NLK: variants seen among roughly 807,000 people sequenced by gnomAD.
NLK encodes the protein serine/threonine-protein kinase NLK.
NLK carries 11 observed loss-of-function variants against 59.0 expected under a neutral mutation model. That is an observed-to-expected ratio of 0.19 (90% CI 0.12 to 0.31). The LOEUF (loss-of-function observed/expected upper bound fraction) is 0.31, where lower values mean the gene tolerates loss of function less well. Ranked by LOEUF, NLK falls within the 10% of genes least tolerant of loss-of-function variation. NLK has a pLI of 1.00. For missense variants in NLK, 410 were observed against 661.1 expected, an observed-to-expected ratio of 0.62 and a Z score of 4.16; for synonymous variants, 235 against 235.9, an observed-to-expected ratio of 1.00 and a Z score of 0.03.
At chr17:28,156,370 A>C (rs1907722562) in intron 3 of NLK, among the ~76,000 whole-genome samples, 1 of 152,212 alleles carries the variant, frequency 6.6e-6, no homozygotes, top group Non-Finnish European at 1.5e-5. Flanking sequence ...AAGTACCTTG[A>C]AAACAACAAT....
At position 28,120,256 on chromosome 17, in the gene NLK, G is replaced by GTGTA. The variant is rs1555561484; in HGVS notation, c.459-2344_459-2343insATGT. 7.7e-4 allele frequency among the ~76,000 whole-genome samples: 116 copies of GTGTA among 150,824 alleles called. 1 individual carries two copies. Among genetic ancestry groups the GTGTA allele is most frequent in the East Asian group, 1.6e-3 (8 of 5,086 alleles). ...TTGGGGTGTGTGTGTGTGTGTGTGT[G>GTGTA]TGTGTGTGTGTGTGTGTATGTGTGT... is the stretch of plus-strand genomic sequence containing the variant. On this transcript the variant is annotated intron_variant, in intron 1 of 10. Transcript: ENST00000407008.
chr17:28,187,190 T>C (rs1909150343), intron 8 of NLK, among the ~76,000 whole-genome samples: 1 of 152,208 alleles, frequency 6.6e-6, no homozygotes, highest in African/African-American at 2.4e-5. Context: ...CTATTTCTAT[T>C]TAGATTTGGA....
intron 1 of NLK, among the ~76,000 whole-genome samples, chr17:28,120,411 G>A (rs183878344): frequency 2.4e-3 from 358 of 152,006 alleles, no homozygotes; most frequent in African/African-American, 8.1e-3. Context: ...GCCCTGCCTG[G>A]GTTCATATTT....
intron 1 of NLK, among the ~76,000 whole-genome samples, chr17:28,057,393 A>T (rs1320901086): frequency 6.6e-6 from 1 of 152,220 alleles, no homozygotes; most frequent in African/African-American, 2.4e-5. Flanking sequence ...TAAGCTCTCC[A>T]ACTAGAGAAG....
At chr17:28,108,541 A>G (rs1905302510) in intron 1 of NLK, among the ~76,000 whole-genome samples, 1 of 152,220 alleles carries the variant, frequency 6.6e-6, no homozygotes, top group Non-Finnish European at 1.5e-5. Context: ...TTAAGTTAAC[A>G]AAAGTAAAGC....
chr17:28,123,662 C>T lies in NLK; in HGVS notation c.588+930C>T, dbSNP rs186873445. On this transcript the variant is annotated intron_variant, in intron 2 of 10. Coordinates refer to ENST00000407008, the MANE Select transcript of NLK (RefSeq NM_016231.5). ...GTTAGAGATGTGGGAAACAGTTTCT[C>T]CTATAAAAACAGTACATCCCTTAAG... 5.4e-4 allele frequency among the ~76,000 whole-genome samples: 82 copies of T among 152,148 alleles called. 1 individual carries two copies. In the South Asian group the frequency reaches 0.015, roughly 27 times the overall value.
At chr17:28,186,507 C>A (rs1008002997) in intron 8 of NLK, among the ~76,000 whole-genome samples, 2 of 151,810 alleles carry the variant, frequency 1.3e-5, no homozygotes, top group African/African-American at 4.8e-5. Flanking sequence ...AAAGACATAC[C>A]CAAGACTGGG....
intron 1 of NLK, among the ~76,000 whole-genome samples, chr17:28,115,668 TC>T (rs952630387): frequency 6.6e-6 from 1 of 151,892 alleles, no homozygotes; most frequent in Admixed American, 6.6e-5. Flanking sequence ...ACTTCATCTA[TC>T]CCCCCCATCA....
chr17:28,163,726 T>A, intron 5 of NLK, 98 bp downstream of exon 5: 2 of 724,654 alleles, frequency 2.8e-6, no homozygotes, highest in Non-Finnish European at 4.6e-6. Context: ...TTCATTTCCA[T>A]TACTTTACCA....
At chr17:28,136,200 T>G (rs537196090) in intron 3 of NLK, among the ~76,000 whole-genome samples, 1 of 152,306 alleles carries the variant, frequency 6.6e-6, no homozygotes, top group East Asian at 1.9e-4. Context: ...ATTTTTTAGC[T>G]TCAGGTTAAA....
At chr17:28,193,725 G>C (rs1219781815) in intron 10 of NLK, among the ~76,000 whole-genome samples, 2 of 152,160 alleles carry the variant, frequency 1.3e-5, no homozygotes, top group Non-Finnish European at 2.9e-5. Context: ...GGTTGGATTT[G>C]TTGGACCACA....
In NLK at chr17:28,042,805, C is replaced by G; in HGVS notation, c.-69C>G. 5.8e-6 allele frequency: 8 copies of G among 1,377,962 alleles called. No homozygotes were observed. The highest frequency in any genetic ancestry group is 2.8e-5 in the Admixed American group (1 of 35,594). 85.4% of individuals were successfully genotyped at this position (1,377,962 alleles called of 1,614,324 possible). A position where few individuals can be genotyped will look rare whatever the true frequency, so the allele number is the denominator to read the frequency against. The stretch of plus-strand genomic sequence containing the variant: ...TTTTGAGGTGGAGTGAGTGGTTTTT[C>G]TTCATTTTTAAATGGCCAAATGACA... On this transcript the variant is annotated 5_prime_UTR_variant, in exon 1 of 11. Transcript: ENST00000407008.
At chr17:28,197,173 T>G (rs1249245442), downstream of NLK, among the ~76,000 whole-genome samples, 1 of 152,046 alleles carries the variant, frequency 6.6e-6, no homozygotes, top group East Asian at 1.9e-4. Flanking sequence ...CATATCATTT[T>G]GAAACTAAAT....
At chr17:28,202,274 T>C in the NLK span, among the ~76,000 whole-genome samples, 1 of 152,172 alleles carries the variant, frequency 6.6e-6, no homozygotes, top group Non-Finnish European at 1.5e-5. Context: ...GTAGTGCCTG[T>C]AGTTTCAGCT....
At chr17:28,162,089 C>G (rs372956017) in intron 4 of NLK, among the ~76,000 whole-genome samples, 1 of 152,258 alleles carries the variant, frequency 6.6e-6, no homozygotes, top group East Asian at 1.9e-4. Flanking sequence ...GATCTCAGCT[C>G]ACTGCAAGAT....
rs754116080 is a variant in NLK at position 28,163,527 on chromosome 17, CTGTT to C, written c.752-11_752-8del. The C allele has an allele frequency of 3.4e-6, 5 of 1,473,852 alleles. No individual in the cohort carries two copies. Among genetic ancestry groups the C allele is most frequent in the South Asian group, 1.2e-5 (1 of 83,286 alleles). 91.3% of individuals were successfully genotyped at this position (1,473,852 alleles called of 1,614,324 possible). On this transcript the variant is annotated splice_polypyrimidine_tract_variant and intron_variant, in intron 4 of 10. Coordinates refer to ENST00000407008, the MANE Select transcript of NLK (RefSeq NM_016231.5). The stretch of plus-strand genomic sequence containing the variant: ...AGGAATTAAATATCTGCAATTAAAT[CTGTT>C]TGTTATTTCAGGTTTGAAATATCTC...
intron 3 of NLK, among the ~76,000 whole-genome samples, chr17:28,135,097 A>G (rs1211269866): frequency 6.6e-6 from 1 of 152,196 alleles, no homozygotes; most frequent in East Asian, 1.9e-4. Context: ...AAAGAAATCC[A>G]TATAGTAGCA....
At chr17:28,072,327 C>CTTTTTTTTT (rs56146394) in intron 1 of NLK, among the ~76,000 whole-genome samples, 1 of 132,748 alleles carries the variant, frequency 7.5e-6, no homozygotes. Flanking sequence ...TCTTCTTTTT[C>CTTTTTTTTT]TTTTTTTTTT....
At chr17:28,099,644 T>G (rs955699474) in intron 1 of NLK, among the ~76,000 whole-genome samples, 3 of 142,842 alleles carry the variant, frequency 2.1e-5, no homozygotes, top group Admixed American at 1.4e-4. Context: ...AGTGGCGCAA[T>G]CTCGGCTCAC....
Sources: gnomAD v4.1 joint callset for allele counts (sites outside exome capture counted in the v4.1 genomes callset) on GRCh38, gnomAD v4.1.1 for gene constraint, MANE v1.5 for transcripts, NCBI Gene and HGNC (gene_info 2026-07-23, HGNC 2026-07-21) for gene names.